The following CNTN6 variants were observed in gnomAD, a reference collection of about 807,000 sequenced individuals.
CNTN6 encodes contactin-6.
In CNTN6, 137 loss-of-function variants were observed where a neutral mutation model predicts 122.8. That is an observed-to-expected ratio of 1.12 (90% CI 0.97 to 1.29). The LOEUF (loss-of-function observed/expected upper bound fraction) is 1.29, where lower values mean the gene tolerates loss of function less well. Among genes scored for constraint, CNTN6 ranks in the 50% most tolerant of loss-of-function variants. CNTN6 has a pLI of 0.00. For missense variants in CNTN6, 1,634 were observed against 1,223.4 expected, an observed-to-expected ratio of 1.34 and a Z score of -5.01; for synonymous variants, 570 against 426.0, an observed-to-expected ratio of 1.34 and a Z score of -4.16.
chr3:1,278,177 A>T (rs1692757290), intron 4 of CNTN6, among the ~76,000 whole-genome samples: 1 of 152,190 alleles, frequency 6.6e-6, no homozygotes, highest in South Asian at 2.1e-4. Flanking sequence ...ATAAAAGCAA[A>T]CAGATAGTGA....
chr3:1,263,163 G>A (rs1313585649), intron 4 of CNTN6, among the ~76,000 whole-genome samples: 1 of 151,624 alleles, frequency 6.6e-6, no homozygotes, highest in African/African-American at 2.4e-5. Context: ...TTGTGTATTA[G>A]ACACTGAGCA....
intron 4 of CNTN6, among the ~76,000 whole-genome samples, chr3:1,274,424 A>G (rs961866606): frequency 2.6e-5 from 4 of 152,218 alleles, no homozygotes; most frequent in African/African-American, 9.6e-5. Context: ...GATTGAGAGC[A>G]GGTGGAGAAC....
In CNTN6 at chr3:1,321,659, C is replaced by T. The variant is rs971498216; in HGVS notation, c.771C>T (p.Pro257=). 6 of 1,610,670 alleles carry T rather than the reference C, an allele frequency of 3.7e-6. No homozygotes were observed. The highest frequency in any genetic ancestry group is 5.1e-6 in the Non-Finnish European group (6 of 1,178,024). The change falls in exon 8 of 23, where the codon CCC becomes CCT. Residue 257 remains proline (P), a synonymous_variant. Coordinates refer to ENST00000446702, the MANE Select transcript of CNTN6 (RefSeq NM_001289080.2). ...LECFALGNPV[P]DISWRRLDGS... ...AGGTGTAACTGTTTAGTCCAGTCCC[C>T]GATATTAGTTGGAGAAGGTTGGACG... is the stretch of plus-strand genomic sequence containing the variant.
At chr3:1,366,850 C>G (rs1708305988) in intron 12 of CNTN6, among the ~76,000 whole-genome samples, 1 of 152,098 alleles carries the variant, frequency 6.6e-6, no homozygotes, top group Non-Finnish European at 1.5e-5. Context: ...GGAGGCTACT[C>G]CCAGGAGGAA....
intron 7 of CNTN6, among the ~76,000 whole-genome samples, chr3:1,319,459 A>G (rs138404940): frequency 4.5e-4 from 68 of 151,744 alleles, no homozygotes; most frequent in African/African-American, 1.6e-3. Flanking sequence ...TAAGGTAGCT[A>G]TTTGTTGTAA....
At chr3:1,315,602 GATT>G (rs1232128392) in intron 7 of CNTN6, among the ~76,000 whole-genome samples, 1 of 151,936 alleles carries the variant, frequency 6.6e-6, no homozygotes, top group East Asian at 1.9e-4. Flanking sequence ...CTCAGTTAAT[GATT>G]ATTAATATTA....
intron 2 of CNTN6, among the ~76,000 whole-genome samples, chr3:1,169,718 G>A (rs887138513): frequency 5.9e-5 from 9 of 152,134 alleles, no homozygotes; most frequent in Non-Finnish European, 1.3e-4. Flanking sequence ...TGCCAATTAT[G>A]TAGATAGCCT....
chr3:1,102,593 G>A (rs1011100444), intron 1 of CNTN6, among the ~76,000 whole-genome samples: 3 of 146,580 alleles, frequency 2.0e-5, no homozygotes, highest in Non-Finnish European at 3.0e-5. Context: ...GCCGGGCGTG[G>A]TGGCGGCGCC....
chr3:1,259,522 C>A (rs928191476), intron 4 of CNTN6, among the ~76,000 whole-genome samples: 1 of 151,926 alleles, frequency 6.6e-6, no homozygotes, highest in Admixed American at 6.6e-5. Context: ...TATTTAATTT[C>A]TATTTTGGGA....
At chr3:1,182,797 T>C (rs2093575859) in intron 2 of CNTN6, among the ~76,000 whole-genome samples, 1 of 152,106 alleles carries the variant, frequency 6.6e-6, no homozygotes, top group Non-Finnish European at 1.5e-5. Context: ...TTATCATGCA[T>C]CTATGAATAT....
chr3:1,329,793 C>T lies in CNTN6; in HGVS notation c.1222C>T (p.Pro408Ser). 1 of 1,605,924 alleles carries T rather than the reference C, an allele frequency of 6.2e-7. No individual in the cohort carries two copies. Among genetic ancestry groups the T allele is most frequent in the Non-Finnish European group, 8.5e-7 (1 of 1,176,576 alleles). ...TTTGATTTTGTTTTTAGCCTCAGCT[C>T]CAGATTTCTCCAAAAGTCCAGTTAA... ...NAELRVLASA[P>S]DFSKSPVKKK... The change falls in exon 11 of 23, where the codon CCA (proline) becomes TCA (serine). Residue 408 changes from proline to serine, a missense_variant. Physicochemically the swap from Pro to Ser is moderately conservative, Grantham distance 74. Coordinates refer to ENST00000446702, the MANE Select transcript of CNTN6 (RefSeq NM_001289080.2).
intron 2 of CNTN6, among the ~76,000 whole-genome samples, chr3:1,204,288 A>AT (rs2125444106): frequency 6.6e-6 from 1 of 152,290 alleles, no homozygotes; most frequent in South Asian, 2.1e-4. Context: ...ACTCTGAGAC[A>AT]TTTTTAAAAA....
intron 1 of CNTN6, among the ~76,000 whole-genome samples, chr3:1,127,049 TTA>T (rs1321428283): frequency 6.6e-6 from 1 of 151,594 alleles, no homozygotes; most frequent in East Asian, 1.9e-4. Context: ...AGTATACAAA[TTA>T]TATAAAAGTA....
At chr3:1,289,888 A>G (rs894364261) in intron 5 of CNTN6, among the ~76,000 whole-genome samples, 6 of 151,976 alleles carry the variant, frequency 3.9e-5, no homozygotes, top group Non-Finnish European at 7.4e-5. Context: ...GTTAGCCAGG[A>G]TGGTCTCGAT....
chr3:1,256,091 G>A (rs2094753041), intron 4 of CNTN6, among the ~76,000 whole-genome samples: 1 of 151,948 alleles, frequency 6.6e-6, no homozygotes, highest in African/African-American at 2.4e-5. Flanking sequence ...CGCTAGTTTT[G>A]AACTCCTGGG....
chr3:1,290,229 C>A (rs540361653), intron 5 of CNTN6, among the ~76,000 whole-genome samples: 1 of 152,188 alleles, frequency 6.6e-6, no homozygotes, highest in African/African-American at 2.4e-5. Context: ...TATATCTGTT[C>A]TACTCCCTGC....
At chr3:1,210,399 G>A (rs1029434606) in intron 2 of CNTN6, among the ~76,000 whole-genome samples, 1 of 149,866 alleles carries the variant, frequency 6.7e-6, no homozygotes, top group Non-Finnish European at 1.5e-5. Context: ...TGAAGGGAAG[G>A]GAAGGAAAGG....
intron 1 of CNTN6, among the ~76,000 whole-genome samples, chr3:1,126,642 C>T (rs1174433649): frequency 6.6e-6 from 1 of 151,860 alleles, no homozygotes; most frequent in Non-Finnish European, 1.5e-5. Flanking sequence ...GTATCACTGA[C>T]ATGAAGAGCT....
chr3:1,300,509 G>GA, intron 7 of CNTN6, among the ~76,000 whole-genome samples: 1 of 121,410 alleles, frequency 8.2e-6, no homozygotes, highest in South Asian at 2.8e-4. Flanking sequence ...AAAAGAAAGA[G>GA]AAAGAAAGAA....
Sources: gnomAD v4.1 joint callset for allele counts (sites outside exome capture counted in the v4.1 genomes callset) on GRCh38, gnomAD v4.1.1 for gene constraint, MANE v1.5 for transcripts, NCBI Gene and HGNC (gene_info 2026-07-23, HGNC 2026-07-21) for gene names.